BCAR3: variants seen among roughly 807,000 people sequenced by gnomAD.
BCAR3 encodes BCAR3 adaptor protein, NSP family member.
A neutral mutation model predicts 80.1 loss-of-function variants in BCAR3; 37 were observed. The ratio of observed to expected loss-of-function variants is 0.46; its 90% CI spans 0.36 to 0.61. The LOEUF is 0.61. Ranked by LOEUF, BCAR3 falls within the 20% of genes least tolerant of loss-of-function variation. The pLI is 0.00. For missense variants in BCAR3, 978 were observed against 1,068.2 expected (o/e 0.92, Z 1.18); for synonymous variants, 389 against 418.9 (o/e 0.93, Z 0.87).
At chr1:93,718,753 T>C (rs1650280799) in intron 2 of BCAR3, among the ~76,000 whole-genome samples, 1 of 137,818 alleles carries the variant, frequency 7.3e-6, no homozygotes, top group Admixed American at 8.2e-5. Flanking sequence ...TGGAGTGTGG[T>C]AGCATGATCT....
chr1:93,600,279 G>A (rs1004280524), intron 3 of BCAR3, among the ~76,000 whole-genome samples: 7 of 152,330 alleles, frequency 4.6e-5, no homozygotes, highest in African/African-American at 1.7e-4. Flanking sequence ...CATGGCCCCT[G>A]ACATATACTG....
At chr1:93,809,374 TC>T (rs1386644086) in intron 2 of BCAR3, among the ~76,000 whole-genome samples, 1 of 151,840 alleles carries the variant, frequency 6.6e-6, no homozygotes, top group Non-Finnish European at 1.5e-5. Flanking sequence ...CTTAAAATTT[TC>T]TTTGGGGGAT....
intron 2 of BCAR3, among the ~76,000 whole-genome samples, chr1:93,650,116 G>A (rs1251017279): frequency 2.0e-5 from 3 of 152,090 alleles, no homozygotes; most frequent in Non-Finnish European, 2.9e-5. Context: ...GTAAGGGTGT[G>A]ATGGCTCACA....
In BCAR3 at chr1:93,764,303, C is replaced by T. The variant is rs376155279; in HGVS notation, c.-62-58161G>A. Among the ~76,000 whole-genome samples, 35 of 152,172 alleles carry T rather than the reference C, an allele frequency of 2.3e-4. 3 individuals carry two copies. The highest frequency in any genetic ancestry group is 1.2e-3 in the Admixed American group (19 of 15,294). The stretch of plus-strand genomic sequence containing the variant: ...ATGATGTTTCTGGAATATGGATGTC[C>T]CATAGGCCCCTCCCATTCAGCCATT... On this transcript the variant is annotated intron_variant, in intron 2 of 13. Coordinates refer to the BCAR3 transcript ENST00000370244.
intron 3 of BCAR3, among the ~76,000 whole-genome samples, chr1:93,630,524 C>T (rs1675586624): frequency 6.6e-6 from 1 of 151,846 alleles, no homozygotes; most frequent in South Asian, 2.1e-4. Context: ...GACCCAGCTA[C>T]TCATGAGGCT....
At chr1:93,793,344 T>A (rs1313965287) in intron 2 of BCAR3, among the ~76,000 whole-genome samples, 1 of 55,688 alleles carries the variant, frequency 1.8e-5, no homozygotes, top group Non-Finnish European at 2.9e-5. Flanking sequence ...CGGTTATTGG[T>A]CTATTCAGAG....
chr1:93,678,788 G>C (rs1648614214), intron 1 of BCAR3, among the ~76,000 whole-genome samples: 1 of 152,156 alleles, frequency 6.6e-6, no homozygotes, highest in South Asian at 2.1e-4. Flanking sequence ...AAAAAGGCAA[G>C]GGAAGGAGCC....
intron 5 of BCAR3, among the ~76,000 whole-genome samples, chr1:93,584,586 G>C (rs1673865970): frequency 1.3e-5 from 2 of 152,166 alleles, no homozygotes; most frequent in African/African-American, 4.8e-5. Flanking sequence ...CTTCCATTTT[G>C]GTGCAAATCT....
chr1:93,825,829 A>T (rs527696265), intron 2 of BCAR3, among the ~76,000 whole-genome samples: 9 of 152,168 alleles, frequency 5.9e-5, no homozygotes, highest in South Asian at 4.2e-4. Context: ...GGTCCCTCTA[A>T]ATCTGTGCCT....
intron 1 of BCAR3, among the ~76,000 whole-genome samples, chr1:93,678,705 G>C (rs1310144553): frequency 6.6e-6 from 1 of 152,162 alleles, no homozygotes; most frequent in Non-Finnish European, 1.5e-5. Flanking sequence ...GACTGTTGCG[G>C]GTGGAGAGCT....
intron 1 of BCAR3, among the ~76,000 whole-genome samples, chr1:93,675,773 C>G (rs1648448262): frequency 6.6e-6 from 1 of 151,962 alleles, no homozygotes; most frequent in Admixed American, 6.6e-5. Context: ...GCAAGTAGCC[C>G]CGACACTCTC....
At chr1:93,599,576 G>A (rs1674553799) in intron 3 of BCAR3, 1 of 151,818 alleles carries the variant, frequency 6.6e-6, no homozygotes, top group African/African-American at 2.4e-5. Context: ...CTTTTAGAGA[G>A]ATCTGGCTGC....
At chr1:93,582,156 T>A in intron 7 of BCAR3, 145 bp downstream of exon 7, 2 of 1,085,398 alleles carry the variant, frequency 1.8e-6, no homozygotes, top group Non-Finnish European at 2.6e-6. Flanking sequence ...GACTTTCCTA[T>A]GGGCAAAGCA....
intron 6 of BCAR3, among the ~76,000 whole-genome samples, chr1:93,583,495 C>A (rs2101833238): frequency 6.6e-6 from 1 of 151,948 alleles, no homozygotes; most frequent in African/African-American, 2.4e-5. Flanking sequence ...ATAATGAAAA[C>A]AACCCCCTGT....
At chr1:93,576,908 G>C (rs972721179) in intron 7 of BCAR3, among the ~76,000 whole-genome samples, 1 of 152,172 alleles carries the variant, frequency 6.6e-6, no homozygotes, top group African/African-American at 2.4e-5. Flanking sequence ...TAATCCCAGT[G>C]CTTTGGGAGG....
intron 2 of BCAR3, among the ~76,000 whole-genome samples, chr1:93,671,281 C>T (rs915138148): frequency 1.3e-5 from 2 of 152,180 alleles, no homozygotes; most frequent in African/African-American, 4.8e-5. Context: ...GCGTGAGCCA[C>T]CAAGCCCGGC....
At chr1:93,635,202 A>C (rs1190484112) in intron 3 of BCAR3, among the ~76,000 whole-genome samples, 2 of 152,142 alleles carry the variant, frequency 1.3e-5, no homozygotes, top group Non-Finnish European at 2.9e-5. Context: ...CCTGGGCAAC[A>C]GAATGAGACC....
intron 3 of BCAR3, among the ~76,000 whole-genome samples, chr1:93,615,975 C>A (rs1368467579): frequency 6.6e-6 from 1 of 152,200 alleles, no homozygotes; most frequent in African/African-American, 2.4e-5. Context: ...CCAAGAGACT[C>A]CGAAGCCCAG....
intron 2 of BCAR3, among the ~76,000 whole-genome samples, chr1:93,783,623 G>A (rs770120660): frequency 3.3e-5 from 5 of 152,048 alleles, no homozygotes; most frequent in Admixed American, 6.6e-5. Context: ...AAATATAAGC[G>A]ACTCATAAAT....
Sources: allele counts gnomAD v4.1 joint callset (sites outside exome capture counted in the v4.1 genomes callset), GRCh38; gene constraint gnomAD v4.1.1; transcripts MANE v1.5; gene names NCBI Gene and HGNC (gene_info 2026-07-23, HGNC 2026-07-21).